HNRNPA1L3: variants seen among roughly 807,000 people sequenced by gnomAD.
The protein encoded by HNRNPA1L3 is heterogeneous nuclear ribonucleoprotein A1 like 3, also known as heterogeneous nuclear ribonucleoprotein A1-like 3.
the HNRNPA1L3 span, chr16:51,646,736 G>T: frequency 1.3e-6 from 2 of 1,597,978 alleles, no homozygotes; most frequent in Non-Finnish European, 1.7e-6. Context: ...TGGCTATGGC[G>T]GTTCCAGCAG....
At chr16:51,647,044 T>G in the HNRNPA1L3 span, 2 of 499,674 alleles carry the variant, frequency 4.0e-6, no homozygotes, top group Admixed American at 3.5e-5. Context: ...TAGATTTTTT[T>G]TTTTTGCACC....
At chr16:51,646,253 A>C in the HNRNPA1L3 span, 1 of 1,596,550 alleles carries the variant, frequency 6.3e-7, no homozygotes, top group Non-Finnish European at 8.5e-7. Flanking sequence ...TGGCAAGAAA[A>C]GGGGCTTTGC....
chr16:51,646,283 C>T, the HNRNPA1L3 span: 2 of 1,595,506 alleles, frequency 1.3e-6, no homozygotes, highest in African/African-American at 1.3e-5. Flanking sequence ...CTTTGACGAC[C>T]ATGACTCCGT....
the HNRNPA1L3 span, chr16:51,646,426 T>G: frequency 6.4e-7 from 1 of 1,573,236 alleles, no homozygotes; most frequent in Non-Finnish European, 8.6e-7. Flanking sequence ...GAAACTTTGG[T>G]GGTGGTCGTG....
chr16:51,646,494 G>A, the HNRNPA1L3 span: 6 of 1,597,994 alleles, frequency 3.8e-6, no homozygotes, highest in Non-Finnish European at 4.2e-6. Flanking sequence ...AGTGGTCGTG[G>A]TGGCTTTGGT....
At chr16:51,645,954 T>C in the HNRNPA1L3 span, 1 of 1,605,888 alleles carries the variant, frequency 6.2e-7, no homozygotes, top group Non-Finnish European at 8.5e-7. Flanking sequence ...TGTGTGGTAA[T>C]GAGAGATCCA....
At chr16:51,646,337 A>C in the HNRNPA1L3 span, 3 of 1,561,336 alleles carry the variant, frequency 1.9e-6, no homozygotes, top group Admixed American at 1.7e-5. Flanking sequence ...GAATGGCCAC[A>C]ACTGTGAAGT....
chr16:51,646,175 C>T, the HNRNPA1L3 span: 14 of 1,585,392 alleles, frequency 8.8e-6, no homozygotes, highest in Non-Finnish European at 1.2e-5. Flanking sequence ...TGAAGAACAT[C>T]ACCTAAGAGA....
At chr16:51,646,003 T>C in the HNRNPA1L3 span, 2 of 1,597,592 alleles carry the variant, frequency 1.3e-6, no homozygotes, top group Non-Finnish European at 8.5e-7. Context: ...TTGTCACATA[T>C]GCCACTGTGG....
At chr16:51,646,762 C>A in the HNRNPA1L3 span, 1 of 1,595,404 alleles carries the variant, frequency 6.3e-7, no homozygotes, top group Non-Finnish European at 8.5e-7. Flanking sequence ...GTAGCTATGG[C>A]AGTGGCAGAA....
chr16:51,646,089 C>T, the HNRNPA1L3 span: 4 of 1,595,432 alleles, frequency 2.5e-6, no homozygotes, highest in South Asian at 3.3e-5. Flanking sequence ...AGAGCTGTCT[C>T]CAGAGAAGAT....
chr16:51,646,703 T>A, the HNRNPA1L3 span: 9 of 1,598,788 alleles, frequency 5.6e-6, no homozygotes, highest in Admixed American at 1.3e-4. Flanking sequence ...AGGCCAATAC[T>A]TTGCAAAACC....
the HNRNPA1L3 span, chr16:51,646,147 T>C: frequency 3.8e-6 from 6 of 1,594,364 alleles, no homozygotes; most frequent in Non-Finnish European, 4.2e-6. Context: ...TATTTGTTGG[T>C]GGCATTAAAG....
the HNRNPA1L3 span, chr16:51,646,867 C>A: frequency 1.9e-6 from 2 of 1,026,930 alleles, no homozygotes; most frequent in East Asian, 5.0e-5. Flanking sequence ...CTCAGCCAAG[C>A]ACAGTGGTGG....
chr16:51,646,317 A>G, the HNRNPA1L3 span: 1 of 1,578,660 alleles, frequency 6.3e-7, no homozygotes, highest in Non-Finnish European at 8.6e-7. Context: ...ATTCAGAAAT[A>G]CCATACTGTG....
At chr16:51,645,979 C>T in the HNRNPA1L3 span, 1 of 1,603,096 alleles carries the variant, frequency 6.2e-7, no homozygotes, top group Non-Finnish European at 8.5e-7. Context: ...CGAAGCGCTC[C>T]AGGGGCTTTG....
At chr16:51,645,757 C>G in the HNRNPA1L3 span, 1 of 1,601,632 alleles carries the variant, frequency 6.2e-7, no homozygotes, top group Non-Finnish European at 8.5e-7. Context: ...AAGATCTTTT[C>G]CTTTCTGCCC....
At chr16:51,646,619 A>T in the HNRNPA1L3 span, 5 of 1,595,928 alleles carry the variant, frequency 3.1e-6, no homozygotes, top group South Asian at 2.2e-5. Flanking sequence ...CAATTACAAC[A>T]ATCAGTCTTC....
the HNRNPA1L3 span, chr16:51,646,148 G>T: frequency 6.3e-7 from 1 of 1,593,848 alleles, no homozygotes; most frequent in Admixed American, 1.7e-5. Flanking sequence ...ATTTGTTGGT[G>T]GCATTAAAGA....
Sources: gnomAD v4.1 joint callset for allele counts on GRCh38, gnomAD v4.1.1 for gene constraint, MANE v1.5 for transcripts, NCBI Gene and HGNC (gene_info 2026-07-23, HGNC 2026-07-21) for gene names.